Variants in PHC2 observed in about 807,000 individuals in gnomAD.
PHC2 encodes the protein polyhomeotic homolog 2.
PHC2 carries 29 observed loss-of-function variants against 87.4 expected under a neutral mutation model. The ratio of observed to expected loss-of-function variants is 0.33; its 90% CI spans 0.25 to 0.45. The LOEUF is 0.45. Among genes scored for constraint, PHC2 ranks in the 20% least tolerant of loss-of-function variants. The pLI, the probability that PHC2 is intolerant of heterozygous loss-of-function variation, is 1.00. For missense variants in PHC2, 857 were observed against 1,136.7 expected, an observed-to-expected ratio of 0.75 and a Z score of 3.54; for synonymous variants, 438 against 461.7, an observed-to-expected ratio of 0.95 and a Z score of 0.66.
chr1:33,365,302 C>T (rs530616147), intron 7 of PHC2, among the ~76,000 whole-genome samples: 13 of 152,290 alleles, frequency 8.5e-5, no homozygotes, highest in African/African-American at 2.9e-4. Flanking sequence ...GTGCTGGTCC[C>T]GTTTCTGTCC....
intron 1 of PHC2, among the ~76,000 whole-genome samples, 185 bp downstream of exon 1, chr1:33,430,791 G>A (rs1303312508): frequency 6.7e-6 from 1 of 150,284 alleles, no homozygotes; most frequent in Non-Finnish European, 1.5e-5. Flanking sequence ...CAGGCCGCCT[G>A]CCGCCCGCCT....
chr1:33,349,939 GGCGGGGCGAGGGA>G lies in PHC2; in HGVS notation c.1558+4449_1558+4461del, dbSNP rs1282078168. 8 of 777,394 alleles carry G rather than the reference GGCGGGGCGAGGGA, an allele frequency of 1.0e-5. No individual in the cohort carries two copies. The highest frequency in any genetic ancestry group is 1.3e-4 in the East Asian group (1 of 7,760). The allele number at this position is 777,394 out of a possible 1,614,324, so 48.2% of individuals were successfully genotyped here. A position where few individuals can be genotyped will look rare whatever the true frequency, so the allele number is the denominator to read the frequency against. On this transcript the variant is annotated intron_variant, in intron 9 of 14. Coordinates refer to ENST00000683057, the MANE Select transcript of PHC2 (RefSeq NM_001385109.1). The surrounding 1 kb of genome is among the most constrained non-coding windows in gnomAD (Gnocchi z 4.2). ...GGCTCCCGCGGCCGCCTCCGCCGGG[GGCGGGGCGAGGGA>G]GCGGGGCGGGGAGGGGCGGGGCCGC...
chr1:33,332,368 T>C lies in PHC2; in HGVS notation c.1798A>G (p.Lys600Glu). ...GGCAGGAACCCCTGTGCATACTTCT[T>C]CTTGAGATTCCCCACCAGCAGGGAC... is the stretch of plus-strand genomic sequence containing the variant. ...RSSLLVGNLK[K>E]KYAQGFLPEK... Residue 600 changes from lysine (K) to glutamate (E), a missense_variant, in exon 11 of 15, where the codon AAG becomes GAG. Physicochemically the swap from Lys to Glu is moderately conservative, Grantham distance 56 (BLOSUM62 1). Coordinates refer to ENST00000683057, the MANE Select transcript of PHC2 (RefSeq NM_001385109.1). The surrounding 1 kb of genome is among the most constrained non-coding windows in gnomAD (Gnocchi z 4.2). 1 of 1,614,114 alleles carries C rather than the reference T, an allele frequency of 6.2e-7. No homozygotes were observed. Among genetic ancestry groups the C allele is most frequent in the Middle Eastern group, 1.7e-4 (1 of 6,060 alleles).
At chr1:33,343,992 T>C (rs985048450) in intron 9 of PHC2, among the ~76,000 whole-genome samples, 3 of 152,224 alleles carry the variant, frequency 2.0e-5, no homozygotes, top group African/African-American at 7.2e-5. Context: ...TCTCTTTCTA[T>C]GCAGTTTTTT....
rs558745164 is a variant in PHC2, at chr1:33,341,728, G to T, written c.1559-7436C>A. 6.6e-5 allele frequency among the ~76,000 whole-genome samples: 10 copies of T among 152,348 alleles called. 1 individual carries two copies. The highest frequency in any genetic ancestry group is 2.2e-4 in the African/African-American group (9 of 41,588). On this transcript the variant is annotated intron_variant, in intron 9 of 14. Transcript: ENST00000683057. ...TGATTACGTGTGCGTCTCAAGTACA[G>T]ATTGTAAAAGTGTGCATTTTAGAAT...
chr1:33,336,517 G>A (rs573403939), intron 9 of PHC2: 4 of 152,210 alleles, frequency 2.6e-5, no homozygotes, highest in Admixed American at 6.5e-5. Context: ...TCCATTAAGT[G>A]CCTATATTCA....
intron 9 of PHC2, among the ~76,000 whole-genome samples, chr1:33,337,906 TCTGA>T (rs1280001942): frequency 6.6e-6 from 1 of 152,278 alleles, no homozygotes; most frequent in African/African-American, 2.4e-5. Flanking sequence ...CAGTCACATC[TCTGA>T]CTGAGAGCAT....
intron 1 of PHC2, among the ~76,000 whole-genome samples, chr1:33,409,695 A>AC (rs1481723653): frequency 3.3e-5 from 5 of 152,356 alleles, no homozygotes; most frequent in African/African-American, 1.2e-4. Context: ...CCAATTCTAT[A>AC]GTCTGTCCCA....
intron 1 of PHC2, among the ~76,000 whole-genome samples, chr1:33,423,628 A>G (rs1650544017): frequency 6.6e-6 from 1 of 152,250 alleles, no homozygotes; most frequent in South Asian, 2.1e-4. Flanking sequence ...ACAGAAGCAG[A>G]ATTTTATTTC....
intron 9 of PHC2, among the ~76,000 whole-genome samples, chr1:33,341,075 CA>C (rs963097172): frequency 1.6e-4 from 25 of 151,844 alleles, no homozygotes; most frequent in Non-Finnish European, 1.5e-5. Flanking sequence ...CAAAAGGTCA[CA>C]AAAAAAGACT....
chr1:33,338,340 C>T lies in PHC2; in HGVS notation c.1559-4048G>A, dbSNP rs184264883. Among the ~76,000 whole-genome samples, 224 of 152,318 alleles carry T rather than the reference C, an allele frequency of 1.5e-3. 1 individual carries two copies. The highest frequency in any genetic ancestry group is 1.8e-3 in the Non-Finnish European group (123 of 68,030). The stretch of plus-strand genomic sequence containing the variant: ...GAGAACACACTAAAAAACTCTTGCA[C>T]CACATTAGAAACTACCACTCCCCAT... On this transcript the variant is annotated intron_variant, in intron 9 of 14. Coordinates refer to ENST00000683057, the MANE Select transcript of PHC2 (RefSeq NM_001385109.1).
chr1:33,371,482 T>TGGCCACCGCCATCACACCC (rs1647838139), intron 3 of PHC2, among the ~76,000 whole-genome samples: 9 of 151,068 alleles, frequency 6.0e-5, no homozygotes, highest in Admixed American at 6.6e-5. Flanking sequence ...CCATCACACC[T>TGGCCACCGCCATCACACCC]GGCCACCGCC....
At chr1:33,347,352 G>A (rs777874670) in intron 9 of PHC2, 31 of 985,432 alleles carry the variant, frequency 3.1e-5, no homozygotes, top group Non-Finnish European at 1.7e-5. Context: ...CCACAGCCAG[G>A]AGAATGATGA....
intron 1 of PHC2, among the ~76,000 whole-genome samples, chr1:33,398,957 C>T (rs921818620): frequency 6.6e-6 from 1 of 152,170 alleles, no homozygotes; most frequent in African/African-American, 2.4e-5. Flanking sequence ...GAAAAAGACA[C>T]GGTTTCTTTC....
intron 7 of PHC2, among the ~76,000 whole-genome samples, chr1:33,366,348 C>T (rs1647449351): frequency 6.6e-6 from 1 of 152,172 alleles, no homozygotes; most frequent in Admixed American, 6.5e-5. Flanking sequence ...GGCAGATTTT[C>T]CCATTAAAGA....
Position 33,412,531 on chromosome 1 carries a change from T to C in PHC2, c.-55+18445A>G, listed in dbSNP as rs142339144. ...ACCTGAATCTTGAATCCTCATTCTG[T>C]ATATAGAAAGCATGATCACTGATTG... On this transcript the variant is annotated intron_variant, in intron 1 of 14. Coordinates refer to ENST00000683057, the MANE Select transcript of PHC2 (RefSeq NM_001385109.1). 2.0e-3 allele frequency among the ~76,000 whole-genome samples: 308 copies of C among 152,344 alleles called. 2 individuals are homozygous for C. The highest frequency in any genetic ancestry group is 6.6e-3 in the African/African-American group (273 of 41,588).
At chr1:33,414,739 T>C (rs1050199897) in intron 1 of PHC2, among the ~76,000 whole-genome samples, 3 of 152,256 alleles carry the variant, frequency 2.0e-5, no homozygotes, top group Non-Finnish European at 4.4e-5. Context: ...TCCTAAATCC[T>C]GTTTTTAATT....
chr1:33,339,499 AG>A (rs1401702640), intron 9 of PHC2, among the ~76,000 whole-genome samples: 1 of 152,060 alleles, frequency 6.6e-6, no homozygotes, highest in East Asian at 1.9e-4. Context: ...AACAGAAAAG[AG>A]GTACAGGTGG....
At chr1:33,365,107 C>A (rs1647371943) in intron 7 of PHC2, among the ~76,000 whole-genome samples, 1 of 152,166 alleles carries the variant, frequency 6.6e-6, no homozygotes, top group South Asian at 2.1e-4. Flanking sequence ...CTGCCACTTA[C>A]TACTTAGGTG....
Sources: gnomAD v4.1 joint callset for allele counts (sites outside exome capture counted in the v4.1 genomes callset) on GRCh38, gnomAD v4.1.1 for gene constraint, Gnocchi (gnomAD v3.1) non-coding constraint, MANE v1.5 for transcripts, NCBI Gene and HGNC (gene_info 2026-07-23, HGNC 2026-07-21) for gene names.